Variants in ITFG1 observed in about 807,000 individuals in gnomAD.
ITFG1 encodes T-cell immunomodulatory protein.
In ITFG1, 34 loss-of-function variants were observed where a neutral mutation model predicts 81.8. The observed-to-expected ratio is 0.42, with a 90% CI of 0.32 to 0.55. The LOEUF is 0.55. Ranked by LOEUF, ITFG1 falls within the 20% of genes least tolerant of loss-of-function variation. The probability of loss-of-function intolerance (pLI) is 0.17; values close to 1 mark genes in which losing one functional copy is unlikely to be tolerated. For missense variants in ITFG1, 672 were observed against 755.4 expected, an observed-to-expected ratio of 0.89 and a Z score of 1.29; for synonymous variants, 285 against 270.6, an observed-to-expected ratio of 1.05 and a Z score of -0.52.
intron 12 of ITFG1, among the ~76,000 whole-genome samples, chr16:47,252,595 C>T (rs758036483): frequency 1.3e-5 from 2 of 152,100 alleles, no homozygotes; most frequent in Non-Finnish European, 2.9e-5. Flanking sequence ...GAGAGGGGAC[C>T]CCACAATTCT....
At chr16:47,267,798 C>A (rs192452890) in intron 10 of ITFG1, among the ~76,000 whole-genome samples, 44 of 152,086 alleles carry the variant, frequency 2.9e-4, no homozygotes, top group Non-Finnish European at 5.4e-4. Flanking sequence ...TAAAACACTA[C>A]TAAATAAACC....
chr16:47,324,902 A>C (rs1967509425), intron 8 of ITFG1, among the ~76,000 whole-genome samples: 1 of 152,164 alleles, frequency 6.6e-6, no homozygotes, highest in Non-Finnish European at 1.5e-5. Flanking sequence ...TTAACACCCC[A>C]CTGTCAACAT....
At chr16:47,315,791 A>ATATATATATATATATATATATATAT (rs199525088) in intron 8 of ITFG1, among the ~76,000 whole-genome samples, 1 of 149,464 alleles carries the variant, frequency 6.7e-6, no homozygotes, top group African/African-American at 2.6e-5. Context: ...ACATATATAT[A>ATATATATATATATATATATATATAT]ATTTATTATT....
intron 1 of ITFG1, 87 bp from the exon 2 acceptor site, chr16:47,459,262 T>TTG: frequency 1.1e-6 from 1 of 874,810 alleles, no homozygotes; most frequent in South Asian, 1.4e-5. Context: ...TGGGCACTGT[T>TTG]CTCAACAAGA....
intron 10 of ITFG1, among the ~76,000 whole-genome samples, chr16:47,286,676 T>C (rs1252157935): frequency 6.6e-6 from 1 of 151,830 alleles, no homozygotes; most frequent in African/African-American, 2.4e-5. Flanking sequence ...AGAGTGTTAA[T>C]AGCAAATGGC....
chr16:47,352,905 G>A (rs570367996), intron 8 of ITFG1, among the ~76,000 whole-genome samples: 1 of 152,170 alleles, frequency 6.6e-6, no homozygotes, highest in African/African-American at 2.4e-5. Context: ...CATCTCCTTT[G>A]TAGCGACATG....
At chr16:47,457,474 C>G (rs952724458) in intron 2 of ITFG1, among the ~76,000 whole-genome samples, 1 of 151,700 alleles carries the variant, frequency 6.6e-6, no homozygotes, top group Non-Finnish European at 1.5e-5. Context: ...AGTTAAAAAA[C>G]AAGAATTGAA....
chr16:47,348,513 A>C (rs1967895186), intron 8 of ITFG1, among the ~76,000 whole-genome samples: 4 of 152,196 alleles, frequency 2.6e-5, no homozygotes, highest in Admixed American at 2.0e-4. Context: ...TTAGAGAAAA[A>C]AGAATAAAAA....
At chr16:47,282,723 T>C (rs1194372374) in intron 10 of ITFG1, among the ~76,000 whole-genome samples, 1 of 152,124 alleles carries the variant, frequency 6.6e-6, no homozygotes, top group Admixed American at 6.6e-5. Context: ...AGCAAATAAG[T>C]GGCCCCTTTT....
intron 6 of ITFG1, among the ~76,000 whole-genome samples, chr16:47,394,841 A>G (rs1352077526): frequency 6.6e-6 from 1 of 152,198 alleles, no homozygotes; most frequent in Non-Finnish European, 1.5e-5. Flanking sequence ...TCCAGTAATT[A>G]AAAACTAAAG....
intron 14 of ITFG1, among the ~76,000 whole-genome samples, chr16:47,191,392 G>GTT (rs752005466): frequency 7.0e-6 from 1 of 143,016 alleles, no homozygotes; most frequent in Admixed American, 7.0e-5. Flanking sequence ...AACATCATGA[G>GTT]TTTTTTTTTT....
intron 2 of ITFG1, among the ~76,000 whole-genome samples, chr16:47,454,937 T>C (rs1969433553): frequency 6.6e-6 from 1 of 152,228 alleles, no homozygotes; most frequent in Non-Finnish European, 1.5e-5. Context: ...TATAGATAAT[T>C]ACTTTCTTAA....
At chr16:47,186,728 C>T (rs1184191027) in intron 14 of ITFG1, among the ~76,000 whole-genome samples, 1 of 152,218 alleles carries the variant, frequency 6.6e-6, no homozygotes, top group Non-Finnish European at 1.5e-5. Context: ...TCTCACCACT[C>T]CTTTTCAACC....
intron 12 of ITFG1, among the ~76,000 whole-genome samples, chr16:47,245,568 C>T (rs1403315392): frequency 6.6e-6 from 1 of 152,088 alleles, no homozygotes; most frequent in Non-Finnish European, 1.5e-5. Context: ...GGACCTGGTA[C>T]ATTTATACAC....
At chr16:47,342,929 C>T (rs1014947264) in intron 8 of ITFG1, among the ~76,000 whole-genome samples, 3 of 152,068 alleles carry the variant, frequency 2.0e-5, no homozygotes, top group East Asian at 1.9e-4. Flanking sequence ...CTACTCAAAG[C>T]CATCACTTTC....
At chr16:47,369,650 GAAAC>G (rs1968223752) in intron 7 of ITFG1, among the ~76,000 whole-genome samples, 1 of 151,890 alleles carries the variant, frequency 6.6e-6, no homozygotes, top group African/African-American at 2.4e-5. Flanking sequence ...ATTTTGTTAT[GAAAC>G]AAACAATACT....
chr16:47,171,010 C>T (rs1042125290), intron 14 of ITFG1, among the ~76,000 whole-genome samples: 3 of 148,070 alleles, frequency 2.0e-5, no homozygotes, highest in African/African-American at 7.4e-5. Context: ...GCTGGGATTA[C>T]AAGCATGAGC....
At chr16:47,362,577 C>T (rs965164630) in intron 8 of ITFG1, among the ~76,000 whole-genome samples, 1 of 152,164 alleles carries the variant, frequency 6.6e-6, no homozygotes, top group African/African-American at 2.4e-5. Context: ...CAGAAACTGT[C>T]GATTCAACCC....
intron 13 of ITFG1, among the ~76,000 whole-genome samples, chr16:47,230,677 A>G (rs1965806852): frequency 6.6e-6 from 1 of 152,206 alleles, no homozygotes; most frequent in African/African-American, 2.4e-5. Flanking sequence ...TTTTCAGTCA[A>G]GAGGAAAAGC....
Sources: gnomAD v4.1 joint callset for allele counts (sites outside exome capture counted in the v4.1 genomes callset) on GRCh38, gnomAD v4.1.1 for gene constraint, MANE v1.5 for transcripts, NCBI Gene and HGNC (gene_info 2026-07-23, HGNC 2026-07-21) for gene names.